Variants in PTPRD observed in about 807,000 individuals in gnomAD.
PTPRD encodes protein tyrosine phosphatase receptor type D.
In PTPRD, 34 loss-of-function variants were observed where a neutral mutation model predicts 214.5. The ratio of observed to expected loss-of-function variants is 0.16; its 90% CI spans 0.12 to 0.21. PTPRD has a LOEUF of 0.21. Among genes scored for constraint, PTPRD ranks in the 10% least tolerant of loss-of-function variants. The pLI, the probability that PTPRD is intolerant of heterozygous loss-of-function variation, is 1.00. For missense variants in PTPRD, 2,545 were observed against 2,398.7 expected, an observed-to-expected ratio of 1.06 and a Z score of -1.27; for synonymous variants, 1,128 against 845.7, an observed-to-expected ratio of 1.33 and a Z score of -5.79.
intron 11 of PTPRD, among the ~76,000 whole-genome samples, chr9:8,975,937 T>A (rs778687147): frequency 2.0e-5 from 3 of 152,022 alleles, no homozygotes; most frequent in Non-Finnish European, 4.4e-5. Flanking sequence ...TAATAATATA[T>A]AGATATGTTG....
chr9:10,471,731 A>G (rs1240445220), intron 2 of PTPRD, among the ~76,000 whole-genome samples: 1 of 152,182 alleles, frequency 6.6e-6, no homozygotes, highest in East Asian at 1.9e-4. Context: ...TAAAGAAGTC[A>G]TCGTTATAGT....
chr9:8,475,553 C>G (rs1314584148), intron 30 of PTPRD, among the ~76,000 whole-genome samples: 2 of 152,094 alleles, frequency 1.3e-5, no homozygotes, highest in African/African-American at 4.8e-5. Context: ...CAAGAATGTT[C>G]TTCTGAATTC....
At chr9:8,734,114 C>G (rs1270075707) in intron 11 of PTPRD, among the ~76,000 whole-genome samples, 168 bp from the exon 12 acceptor site, 1 of 152,124 alleles carries the variant, frequency 6.6e-6, no homozygotes, top group Non-Finnish European at 1.5e-5. Flanking sequence ...AAGGAAATAA[C>G]TTGGTTTGTA....
At chr9:8,993,948 G>C (rs1196524263) in intron 11 of PTPRD, among the ~76,000 whole-genome samples, 1 of 152,080 alleles carries the variant, frequency 6.6e-6, no homozygotes. Flanking sequence ...AAGTGTTCAA[G>C]ACATTTAGAG....
intron 12 of PTPRD, among the ~76,000 whole-genome samples, chr9:8,694,005 A>G (rs2097859002): frequency 6.6e-6 from 1 of 152,220 alleles, no homozygotes; most frequent in African/African-American, 2.4e-5. Flanking sequence ...GGAAATCTCA[A>G]AAGAAAAGTC....
chr9:9,747,805 G>A (rs556140668), intron 6 of PTPRD, among the ~76,000 whole-genome samples: 5 of 152,068 alleles, frequency 3.3e-5, no homozygotes, highest in South Asian at 2.1e-4. Flanking sequence ...TACCTGCCTC[G>A]GCCTCCCAAA....
intron 11 of PTPRD, among the ~76,000 whole-genome samples, chr9:8,795,719 A>G (rs2096395490): frequency 6.6e-6 from 1 of 152,230 alleles, no homozygotes. Flanking sequence ...TAGAGTTAGA[A>G]AATTATTACA....
intron 7 of PTPRD, among the ~76,000 whole-genome samples, chr9:9,595,752 A>G (rs182347181): frequency 6.6e-6 from 1 of 151,936 alleles, no homozygotes; most frequent in African/African-American, 2.4e-5. Flanking sequence ...ATGATGATGC[A>G]AAGACATAAG....
In PTPRD at chr9:10,036,533, C is replaced by CA. The variant is rs1555500635; in HGVS notation, c.-544-2744dup. Among the ~76,000 whole-genome samples the CA allele has an allele frequency of 1.1e-4, 10 of 93,128 alleles. No homozygotes were observed. The East Asian group carries it at 2.4e-3, about 23-fold the overall frequency. The allele number at this position is 93,128 out of a possible 152,430, so 61.1% of individuals were successfully genotyped here. A position where few individuals can be genotyped will look rare whatever the true frequency, so the allele number is the denominator to read the frequency against. On this transcript the variant is annotated intron_variant, in intron 3 of 45. Transcript: ENST00000381196. Reference sequence around the variant, plus strand: ...ACACACACACACACACACACACACACAATTTTGCCAGGATTCCACAAACAG... The same window carrying CA: ...ACACACACACACACACACACACACACAAATTTTGCCAGGATTCCACAAACAG...
chr9:10,045,706 T>C (rs2097375865), intron 3 of PTPRD, among the ~76,000 whole-genome samples: 1 of 151,738 alleles, frequency 6.6e-6, no homozygotes, highest in South Asian at 2.1e-4. Context: ...TATAGCTTAT[T>C]TGATATAATT....
At chr9:9,295,149 C>A (rs1214785945) in intron 9 of PTPRD, among the ~76,000 whole-genome samples, 1 of 151,652 alleles carries the variant, frequency 6.6e-6, no homozygotes, top group Middle Eastern at 3.2e-3. Flanking sequence ...AAAATACGTC[C>A]TTTAAAACAG....
At chr9:8,461,543 C>T (rs2096402933) in intron 32 of PTPRD, among the ~76,000 whole-genome samples, 1 of 151,970 alleles carries the variant, frequency 6.6e-6, no homozygotes, top group African/African-American at 2.4e-5. Context: ...TCCATATCCA[C>T]TAACTGCCCT....
intron 11 of PTPRD, among the ~76,000 whole-genome samples, chr9:8,754,836 G>A (rs994487800): frequency 6.6e-6 from 1 of 152,178 alleles, no homozygotes; most frequent in Admixed American, 6.5e-5. Context: ...CAACAGCCCT[G>A]AAGCTATCCA....
intron 2 of PTPRD, among the ~76,000 whole-genome samples, chr9:10,364,690 C>T (rs927291193): frequency 3.3e-5 from 5 of 152,148 alleles, no homozygotes; most frequent in African/African-American, 9.7e-5. Context: ...ATAGAACAAT[C>T]AGGCCTACAA....
At position 8,947,034 on chromosome 9, in the gene PTPRD, T is replaced by C. The variant is rs7873995; in HGVS notation, c.-104+71663A>G. Among the ~76,000 whole-genome samples the C allele has an allele frequency of 6.8e-3, 1,013 of 149,940 alleles. 15 individuals carry two copies. Among genetic ancestry groups the C allele is most frequent in the African/African-American group, 0.023 (945 of 40,704 alleles). The stretch of plus-strand genomic sequence containing the variant: ...TCTGTATTTTTTTTTCTTTTCTTTT[T>C]TTTTTTTTGTGTGTGTGTCTCGATC... On this transcript the variant is annotated intron_variant, in intron 11 of 45. Coordinates refer to ENST00000381196, the MANE Select transcript of PTPRD (RefSeq NM_002839.4).
intron 8 of PTPRD, among the ~76,000 whole-genome samples, chr9:9,436,447 A>C (rs2085288899): frequency 6.6e-6 from 1 of 152,144 alleles, no homozygotes; most frequent in Non-Finnish European, 1.5e-5. Context: ...ACACTGACTG[A>C]TTAGATACCT....
intron 2 of PTPRD, among the ~76,000 whole-genome samples, chr9:10,397,951 C>T (rs2098202476): frequency 6.6e-6 from 1 of 151,890 alleles, no homozygotes; most frequent in Non-Finnish European, 1.5e-5. Context: ...TGACACATGA[C>T]TGATATTAAT....
At chr9:10,365,901 T>C (rs868623588) in intron 2 of PTPRD, among the ~76,000 whole-genome samples, 28 of 152,320 alleles carry the variant, frequency 1.8e-4, no homozygotes, top group Non-Finnish European at 3.2e-4. Context: ...ATTATATTAA[T>C]AGTTTCATAA....
chr9:10,208,503 G>A (rs1186376424), intron 3 of PTPRD, among the ~76,000 whole-genome samples: 1 of 152,218 alleles, frequency 6.6e-6, no homozygotes, highest in Admixed American at 6.5e-5. Context: ...GACAGAGCGA[G>A]ACTGCGTCTC....
Sources: gnomAD v4.1 joint callset for allele counts (sites outside exome capture counted in the v4.1 genomes callset) on GRCh38, gnomAD v4.1.1 for gene constraint, MANE v1.5 for transcripts, NCBI Gene and HGNC (gene_info 2026-07-23, HGNC 2026-07-21) for gene names.